The following MYH2 variants were observed in gnomAD, a reference collection of about 807,000 sequenced individuals.
MYH2 encodes the protein myosin heavy chain 2, also known as myosin-2.
MYH2 carries 139 observed loss-of-function variants against 228.1 expected under a neutral mutation model. The observed-to-expected ratio is 0.61, with a 90% confidence interval of 0.53 to 0.70. The LOEUF is 0.70. Ranked by LOEUF, MYH2 falls within the 30% of genes least tolerant of loss-of-function variation. MYH2 has a pLI of 0.00. For synonymous variants in MYH2, 796 were observed against 871.1 expected (o/e 0.91, Z 1.52); for missense variants, 1,809 against 2,357.5 (o/e 0.77, Z 4.82).
In MYH2 at chr17:10,545,710, A is replaced by G. The variant is rs370240374; in HGVS notation, c.349-208T>C. ...CTTCCAAGTAGCTGGTACTACAGGC[A>G]TGCATCACCATGCCCAGCTAATTTT... On this transcript the variant is annotated intron_variant, in intron 4 of 39. Transcript: ENST00000245503. Among the ~76,000 whole-genome samples the G allele has an allele frequency of 1.5e-4, 23 of 152,242 alleles. No homozygotes were observed. The East Asian group carries it at 3.7e-3, about 24-fold the overall frequency.
intron 19 of MYH2, among the ~76,000 whole-genome samples, chr17:10,534,778 G>A (rs1275849263): frequency 2.0e-5 from 3 of 152,242 alleles, no homozygotes; most frequent in East Asian, 3.9e-4. Context: ...TTAGCTGGGC[G>A]TGGTGGCATA....
Position 10,531,620 on chromosome 17 carries a change from T to G in MYH2, c.2697+13A>C, listed in dbSNP as rs762079526. Reference sequence around the variant, plus strand: ...TCCTGGTTAGTGATACCAAGGGTGATATTCCAACTCACAGCCTGAACTTGG... The same window carrying G: ...TCCTGGTTAGTGATACCAAGGGTGAGATTCCAACTCACAGCCTGAACTTGG... On this transcript the variant is annotated intron_variant, in intron 22 of 39. Transcript: ENST00000245503. 1 of 1,614,206 alleles carries G rather than the reference T, an allele frequency of 6.2e-7. No individual in the cohort carries two copies. Among genetic ancestry groups the G allele is most frequent in the South Asian group, 1.1e-5 (1 of 91,086 alleles).
intron 30 of MYH2, 140 bp from the exon 31 acceptor site, chr17:10,526,016 G>T: frequency 9.9e-7 from 1 of 1,008,076 alleles, no homozygotes; most frequent in Non-Finnish European, 1.5e-6. Context: ...ATATTGATGA[G>T]CCCCTTTTAT....
rs750395830 is a variant in MYH2, at chr17:10,533,604, GGATT to G, written c.2205_2208del (p.Ile736LeufsTer43). On this transcript the variant is annotated frameshift_variant, in exon 20 of 40. Coordinates refer to ENST00000245503, the MANE Select transcript of MYH2 (RefSeq NM_017534.6). LOFTEE classifies it high-confidence loss of function. ...TTGCTATCAATGAATTGCCCTTCAG[GGATT>G]GCACTTGCATTTAATACCTTGTATC... 6.2e-7 allele frequency: 1 copy of G among 1,613,994 alleles called. No homozygotes were observed. Among genetic ancestry groups the G allele is most frequent in the Non-Finnish European group, 8.5e-7 (1 of 1,179,942 alleles).
At position 10,526,794 on chromosome 17, in the gene MYH2, G is replaced by A. The variant is rs1377767599; in HGVS notation, c.3992C>T (p.Ala1331Val). 4 of 1,614,240 alleles carry A rather than the reference G, an allele frequency of 2.5e-6. No individual in the cohort carries two copies. Among genetic ancestry groups the A allele is most frequent in the South Asian group, 1.1e-5 (1 of 91,090 alleles). The change falls in exon 30 of 40, where the codon GCC (alanine) becomes GTC (valine). Residue 1331 changes from alanine to valine, a missense_variant and splice_region_variant. Physicochemically the swap from Ala to Val is moderately conservative, Grantham distance 64. This residue lies in a region of MYH2 where 636 missense variants were observed against 729.9 expected (regional missense o/e 0.87). Transcript: ENST00000245503. ...LKRQLEEEIK[A>V]KNALAHALQS... ...CAGGGCATGCGCCAGGGCGTTCTTGGCCTATGGAGGCAGTTACACCTTCAT... is the reference window on the plus strand; with the variant it reads ...CAGGGCATGCGCCAGGGCGTTCTTGACCTATGGAGGCAGTTACACCTTCAT...
At chr17:10,536,062 G>C (rs145922488) in intron 17 of MYH2, among the ~76,000 whole-genome samples, 37 of 152,246 alleles carry the variant, frequency 2.4e-4, no homozygotes, top group African/African-American at 8.7e-4. Context: ...ATTTGACTTA[G>C]CATGAAAAGT....
Position 10,537,403 on chromosome 17 carries a change from G to T in MYH2, c.1727C>A (p.Ala576Asp). Residue 576 changes from alanine (A) to aspartate (D), a missense_variant, in exon 16 of 40, where the codon GCC (alanine) becomes GAC (aspartate). By Grantham distance (126) the Ala-to-Asp change is moderately radical (BLOSUM62 -2). Around this residue, in one of 9 missense-constraint regions of MYH2, gnomAD observed 41 missense variants for 35.1 expected, o/e 1.17. Transcript: ENST00000245503. The surrounding 1 kb of genome is among the most constrained non-coding windows in gnomAD (Gnocchi z 4.0). ...FQKPKVVKGK[A>D]EAHFALIHYA... Reference sequence around the variant, plus strand: ...GTGAATCAGAGCGAAGTGGGCCTCGGCCTTGCCTTTGACCACCTTGGGCTT... The same window carrying T: ...GTGAATCAGAGCGAAGTGGGCCTCGTCCTTGCCTTTGACCACCTTGGGCTT... 1 of 1,614,174 alleles carries T rather than the reference G, an allele frequency of 6.2e-7. No individual in the cohort carries two copies. Among genetic ancestry groups the T allele is most frequent in the Non-Finnish European group, 8.5e-7 (1 of 1,180,032 alleles).
chr17:10,521,247 T>C lies in MYH2; in HGVS notation c.*33A>G. The C allele has an allele frequency of 6.2e-7, 1 of 1,611,456 alleles. No individual in the cohort carries two copies. The highest frequency in any genetic ancestry group is 8.5e-7 in the Non-Finnish European group (1 of 1,178,932). Reference sequence around the variant, plus strand: ...GACCAAAGATGTCACATTTTGTGCCTGTCTTCAGTCATTCCATGGCATCAG... The same window carrying C: ...GACCAAAGATGTCACATTTTGTGCCCGTCTTCAGTCATTCCATGGCATCAG... On this transcript the variant is annotated 3_prime_UTR_variant, in exon 40 of 40. Coordinates refer to ENST00000245503, the MANE Select transcript of MYH2 (RefSeq NM_017534.6).
Position 10,525,936 on chromosome 17 carries a change from G to T in MYH2, c.4188-60C>A. 4 of 1,552,344 alleles carry T rather than the reference G, an allele frequency of 2.6e-6. No individual in the cohort carries two copies. The highest frequency in any genetic ancestry group is 3.5e-6 in the Non-Finnish European group (4 of 1,130,392). Reference sequence around the variant, plus strand: ...ACCATAATATGAATTATGAGCTATTGCCACACACGCTGAAGAGTGTTAGAA... The same window carrying T: ...ACCATAATATGAATTATGAGCTATTTCCACACACGCTGAAGAGTGTTAGAA... On this transcript the variant is annotated intron_variant, in intron 30 of 39. Coordinates refer to ENST00000245503, the MANE Select transcript of MYH2 (RefSeq NM_017534.6). This position sits in a 1 kb window ranked among gnomAD's most constrained non-coding sequence, Gnocchi z 4.2.
rs373554732 is a variant in MYH2, at chr17:10,544,035, A to G, written c.534-19T>C. 1.9e-6 allele frequency: 3 copies of G among 1,614,128 alleles called. No homozygotes were observed. Among genetic ancestry groups the G allele is most frequent in the South Asian group, 2.2e-5 (2 of 91,032 alleles). ...TTCTCCACTGTCAAATCAAAACTCA[A>G]TCAGATGTGGTCTCAAACCTAGCAG... On this transcript the variant is annotated intron_variant, in intron 6 of 39. Transcript: ENST00000245503.
At chr17:10,545,196 C>T in intron 5 of MYH2, 150 bp downstream of exon 5, 1 of 1,491,780 alleles carries the variant, frequency 6.7e-7, no homozygotes, top group Non-Finnish European at 9.3e-7. Context: ...ATCAGCCTTT[C>T]TCCCCTTCCT....
intron 11 of MYH2, 105 bp downstream of exon 11, chr17:10,540,489 T>A (rs964534622): frequency 2.5e-5 from 25 of 992,904 alleles, no homozygotes; most frequent in Middle Eastern, 2.0e-4. Flanking sequence ...TCCATTTGCA[T>A]CCTGGAATCT....
chr17:10,536,040 A>G (rs932392729), intron 17 of MYH2, among the ~76,000 whole-genome samples: 1 of 152,236 alleles, frequency 6.6e-6, no homozygotes. Context: ...TTTCTATAAA[A>G]TATTTCTCAT....
Position 10,529,501 on chromosome 17 carries a change from A to C in MYH2, c.3118-20T>G, listed in dbSNP as rs767363743. 1 of 1,614,196 alleles carries C rather than the reference A, an allele frequency of 6.2e-7. No individual in the cohort carries two copies. The highest frequency in any genetic ancestry group is 1.1e-5 in the South Asian group (1 of 91,082). On this transcript the variant is annotated intron_variant, in intron 24 of 39. Transcript: ENST00000245503. Reference sequence around the variant, plus strand: ...TTCAAGCTAAATATAAATTATGTTGAATCAGAAGGAATGCTTATCTTCCTT... The same window carrying C: ...TTCAAGCTAAATATAAATTATGTTGCATCAGAAGGAATGCTTATCTTCCTT...
In MYH2 at chr17:10,528,775, T is replaced by C. The variant is rs1286872152; in HGVS notation, c.3659A>G (p.Lys1220Arg). The change falls in exon 27 of 40, where the codon AAG becomes AGG. Residue 1220 changes from lysine to arginine, a missense_variant. Coordinates refer to ENST00000245503, the MANE Select transcript of MYH2 (RefSeq NM_017534.6). ...ACTCTTCTCCTTCTCCAGCTTCTGC[T>C]TCACTCGCTGCAGGTTGTCAATCTG... Reference protein sequence around the residue: ...GEQIDNLQRVKQKLEKEKSEM... With the variant: ...GEQIDNLQRVRQKLEKEKSEM... 1 of 1,614,186 alleles carries C rather than the reference T, an allele frequency of 6.2e-7. No homozygotes were observed. The highest frequency in any genetic ancestry group is 1.7e-5 in the Admixed American group (1 of 60,026).
chr17:10,533,163 T>A, intron 21 of MYH2, 122 bp downstream of exon 21: 1 of 1,430,856 alleles, frequency 7.0e-7, no homozygotes. Flanking sequence ...GTATTCCCAC[T>A]TCATTATAGG....
At chr17:10,546,935 A>G (rs1044811481) in intron 4 of MYH2, among the ~76,000 whole-genome samples, 1 of 151,302 alleles carries the variant, frequency 6.6e-6, no homozygotes, top group African/African-American at 2.4e-5. Context: ...ATACGAAAAA[A>G]AAAAAAATAG....
chr17:10,528,232 G>A (rs2073379336), intron 27 of MYH2, among the ~76,000 whole-genome samples: 1 of 151,848 alleles, frequency 6.6e-6, no homozygotes, highest in African/African-American at 2.4e-5. Context: ...TTTTATGAAA[G>A]CTAATCATGG....
Position 10,537,287 on chromosome 17 carries a change from A to G in MYH2, c.1843T>C (p.Ser615Pro). Residue 615 changes from serine (S) to proline (P), a missense_variant, in exon 16 of 40, where the codon TCT (serine) becomes CCT (proline). This residue lies in a region of MYH2 where 276 missense variants were observed against 344.2 expected (regional missense o/e 0.80). Coordinates refer to ENST00000245503, the MANE Select transcript of MYH2 (RefSeq NM_017534.6). This position sits in a 1 kb window ranked among gnomAD's most constrained non-coding sequence, Gnocchi z 4.0. ...AGCTGAGCTAGAGTTTTCATTGCAG[A>G]CTTCTGGTACAGTCCAACCACGGTC... is the stretch of plus-strand genomic sequence containing the variant. ...NETVVGLYQK[S>P]AMKTLAQLFS... The G allele has an allele frequency of 6.2e-7, 1 of 1,614,210 alleles. No individual in the cohort carries two copies. The highest frequency in any genetic ancestry group is 2.2e-5 in the East Asian group (1 of 44,884).
Sources: gnomAD v4.1 joint callset for allele counts (sites outside exome capture counted in the v4.1 genomes callset) on GRCh38, gnomAD v4.1.1 for gene constraint, gnomAD v4.1.1 regional missense constraint, Gnocchi (gnomAD v3.1) non-coding constraint, MANE v1.5 for transcripts, NCBI Gene and HGNC (gene_info 2026-07-23, HGNC 2026-07-21) for gene names.